The following SCN2A variants were observed in gnomAD, a reference collection of about 807,000 sequenced individuals.
SCN2A encodes sodium voltage-gated channel alpha subunit 2, also known as sodium channel protein type 2 subunit alpha.
SCN2A carries 20 observed loss-of-function variants against 188.7 expected under a neutral mutation model. The observed-to-expected ratio is 0.11, with a 90% CI of 0.07 to 0.15. The LOEUF (loss-of-function observed/expected upper bound fraction) is 0.15. Ranked by LOEUF, SCN2A falls within the 10% of genes least tolerant of loss-of-function variation. SCN2A has a pLI of 1.00. For synonymous variants in SCN2A, 804 were observed against 833.1 expected, an observed-to-expected ratio of 0.97 and a Z score of 0.60; for missense variants, 1,278 against 2,445.0, an observed-to-expected ratio of 0.52 and a Z score of 10.07.
chr2:165,305,675 A>G (rs1446332437), intron 3 of SCN2A, among the ~76,000 whole-genome samples: 1 of 152,226 alleles, frequency 6.6e-6, no homozygotes, highest in Non-Finnish European at 1.5e-5. Context: ...AAGCATGTCA[A>G]ATATAATCTC....
intron 1 of SCN2A, among the ~76,000 whole-genome samples, chr2:165,275,733 T>C (rs1330533770): frequency 6.6e-6 from 1 of 151,986 alleles, no homozygotes; most frequent in Non-Finnish European, 1.5e-5. Flanking sequence ...TTTACTTGAG[T>C]TATACCCTTT....
chr2:165,284,042 G>T (rs1259481673), intron 1 of SCN2A, among the ~76,000 whole-genome samples: 1 of 149,430 alleles, frequency 6.7e-6, no homozygotes, highest in African/African-American at 2.5e-5. Flanking sequence ...CTCCTCTCTA[G>T]TTCTCTCTCT....
intron 12 of SCN2A, among the ~76,000 whole-genome samples, chr2:165,323,931 T>C (rs1469531559): frequency 6.6e-6 from 1 of 152,216 alleles, no homozygotes; most frequent in Non-Finnish European, 1.5e-5. Context: ...ACTAAATAGA[T>C]TTAAATCCCA....
chr2:165,265,469 A>ATCTCTCTCTCTCTCTCTCTC (rs754966737), intron 1 of SCN2A, among the ~76,000 whole-genome samples: 10 of 65,268 alleles, frequency 1.5e-4, no homozygotes, highest in South Asian at 1.2e-3. Context: ...TACTCTGTTG[A>ATCTCTCTCTCTCTCTCTCTC]TCTATATATA....
chr2:165,253,039 C>G (rs901472775), intron 1 of SCN2A, among the ~76,000 whole-genome samples: 1 of 152,018 alleles, frequency 6.6e-6, no homozygotes, highest in Non-Finnish European at 1.5e-5. Flanking sequence ...TGTGTTGGGT[C>G]TCATCACAGG....
chr2:165,296,320 G>A (rs911702458), intron 2 of SCN2A: 10 of 559,028 alleles, frequency 1.8e-5, no homozygotes, highest in African/African-American at 3.8e-5. Context: ...ATCCTCCAGC[G>A]CGGGAATTAA....
At chr2:165,319,214 G>C (rs1052070621) in intron 11 of SCN2A, among the ~76,000 whole-genome samples, 2 of 152,144 alleles carry the variant, frequency 1.3e-5, no homozygotes, top group Admixed American at 6.5e-5. Flanking sequence ...GCAGGTGCCT[G>C]TAGTCCCAGC....
Position 165,390,381 on chromosome 2 carries a change from G to A in SCN2A, c.*557G>A, listed in dbSNP as rs182846824. 2.4e-3 allele frequency: 362 copies of A among 153,074 alleles called. 3 individuals are homozygous for A. Among genetic ancestry groups the A allele is most frequent in the Admixed American group, 7.6e-3 (116 of 15,354 alleles). The allele number at this position is 153,074 out of a possible 1,614,324, so 9.5% of individuals were successfully genotyped here. ...TATAACTGGATATATTTTAAATGGAGGCATGCTGCAATTCTCATTCACACA... is the reference window on the plus strand; with the variant it reads ...TATAACTGGATATATTTTAAATGGAAGCATGCTGCAATTCTCATTCACACA... On this transcript the variant is annotated 3_prime_UTR_variant, in exon 27 of 27. Transcript: ENST00000375437.
At chr2:165,268,042 C>T (rs1224001229) in intron 1 of SCN2A, 1 of 151,862 alleles carries the variant, frequency 6.6e-6, no homozygotes, top group Non-Finnish European at 1.5e-5. Flanking sequence ...GTAAATTCCT[C>T]AAAAAAGTAA....
chr2:165,291,345 GTCGTTCGTTCCTTCCTTCCTTCCTTCCT>G (rs1279773409), intron 1 of SCN2A, among the ~76,000 whole-genome samples: 4,081 of 102,496 alleles, frequency 0.04, 133 homozygotes, highest in East Asian at 0.081. Flanking sequence ...GGACTTGTCT[GTCGTTCGTTCCTTCCTTCCTTCCTTCCT>G]TCCTTCCTTC....
chr2:165,344,769 A>G lies in SCN2A; in HGVS notation c.2777A>G (p.His926Arg). The G allele has an allele frequency of 1.2e-6, 2 of 1,614,186 alleles. No homozygotes were observed. The highest frequency in any genetic ancestry group is 1.7e-6 in the Non-Finnish European group (2 of 1,180,038). Residue 926 changes from histidine to arginine, a missense_variant, in exon 16 of 27, where the codon CAT (histidine) becomes CGT (arginine). His to Arg is a conservative substitution (Grantham distance 29). Transcript: ENST00000375437. The part of the protein sequence containing the change: ...NDCELPRWHM[H>R]DFFHSFLIVF... ...TGTGAACTCCCACGCTGGCACATGC[A>G]TGACTTTTTCCACTCCTTCCTGATC...
chr2:165,338,351 C>G (rs1699118236), intron 14 of SCN2A, among the ~76,000 whole-genome samples: 1 of 151,582 alleles, frequency 6.6e-6, no homozygotes, highest in East Asian at 1.9e-4. Context: ...GCTCCGCCTC[C>G]CCGGTTCACG....
chr2:165,272,524 AT>A (rs1559329393), intron 1 of SCN2A: 1 of 152,070 alleles, frequency 6.6e-6, no homozygotes, highest in Admixed American at 6.6e-5. Flanking sequence ...CCTAACTGAC[AT>A]TTATAGAATA....
rs141754622 is a variant in SCN2A at position 165,390,241 on chromosome 2, C to T, written c.*417C>T. On this transcript the variant is annotated 3_prime_UTR_variant, in exon 27 of 27. Coordinates refer to ENST00000375437, the MANE Select transcript of SCN2A (RefSeq NM_001040142.2). ...CAAAACGTGTGCTGTGAATTTATCA[C>T]TTTTCTTTTTAATTCACAGGTTGTT... 3.8e-3 allele frequency: 735 copies of T among 194,618 alleles called. 5 individuals are homozygous for T. The highest frequency in any genetic ancestry group is 0.016 in the African/African-American group (683 of 42,156). The allele number at this position is 194,618 out of a possible 1,614,324, so 12.1% of individuals were successfully genotyped here.
chr2:165,315,651 A>G lies in SCN2A; in HGVS notation c.1564A>G (p.Arg522Gly). 1 of 1,614,102 alleles carries G rather than the reference A, an allele frequency of 6.2e-7. No individual in the cohort carries two copies. The highest frequency in any genetic ancestry group is 8.5e-7 in the Non-Finnish European group (1 of 1,179,976). The change falls in exon 11 of 27, where the codon AGA becomes GGA. Residue 522 changes from arginine to glycine, a missense_variant. This residue lies in a region of SCN2A where 315 missense variants were observed against 386.6 expected (regional missense o/e 0.81). Transcript: ENST00000375437. ...EQSGEEEKND[R>G]VRKSESEDSI... Reference sequence around the variant, plus strand: ...GTCTGGAGAAGAAGAGAAAAATGACAGAGTCCGAAAATCGGAATCTGAAGA... The same window carrying G: ...GTCTGGAGAAGAAGAGAAAAATGACGGAGTCCGAAAATCGGAATCTGAAGA...
intron 12 of SCN2A, among the ~76,000 whole-genome samples, chr2:165,325,284 A>G (rs965043655): frequency 6.6e-6 from 1 of 152,158 alleles, no homozygotes; most frequent in African/African-American, 2.4e-5. Flanking sequence ...GCTTGAAGCA[A>G]AGCTTTGTGT....
At chr2:165,297,464 T>C (rs930194408) in intron 3 of SCN2A, among the ~76,000 whole-genome samples, 1 of 152,250 alleles carries the variant, frequency 6.6e-6, no homozygotes, top group Admixed American at 6.5e-5. Flanking sequence ...CAATTTACAA[T>C]GTTAGGTAAG....
chr2:165,315,490 C>G lies in SCN2A; in HGVS notation c.1403C>G (p.Ser468Cys). Residue 468 changes from serine (S) to cysteine (C), a missense_variant, in exon 11 of 27, where the codon TCT becomes TGT. Around this residue, in one of 17 missense-constraint regions of SCN2A, gnomAD observed 315 missense variants for 386.6 expected, o/e 0.81. Coordinates refer to ENST00000375437, the MANE Select transcript of SCN2A (RefSeq NM_001040142.2). ...TTCTAGGCGGCAGCTGCAGCCGCATCTGCTGAATCAAGAGACTTCAGTGGT... is the reference window on the plus strand; with the variant it reads ...TTCTAGGCGGCAGCTGCAGCCGCATGTGCTGAATCAAGAGACTTCAGTGGT... ...EEAQAAAAAA[S>C]AESRDFSGAG... 9 of 1,613,788 alleles carry G rather than the reference C, an allele frequency of 5.6e-6. No homozygotes were observed. The highest frequency in any genetic ancestry group is 7.6e-6 in the Non-Finnish European group (9 of 1,179,820).
At chr2:165,373,558 T>C (rs957535774) in intron 21 of SCN2A, among the ~76,000 whole-genome samples, 2 of 152,176 alleles carry the variant, frequency 1.3e-5, no homozygotes, top group Non-Finnish European at 2.9e-5. Context: ...AGGGATTGTT[T>C]CTGATTAGCT....
Sources: gnomAD v4.1 joint callset for allele counts (sites outside exome capture counted in the v4.1 genomes callset) on GRCh38, gnomAD v4.1.1 for gene constraint, gnomAD v4.1.1 regional missense constraint, MANE v1.5 for transcripts, NCBI Gene and HGNC (gene_info 2026-07-23, HGNC 2026-07-21) for gene names.